PAPPA2: variants seen among roughly 807,000 people sequenced by gnomAD.
PAPPA2 encodes the protein pappalysin-2.
In PAPPA2, 86 loss-of-function variants were observed where a neutral mutation model predicts 176.4. The observed-to-expected ratio is 0.49, with a 90% CI of 0.41 to 0.58. The LOEUF is 0.58. PAPPA2 is among the 20% of genes least tolerant of loss of function. The pLI, the probability that PAPPA2 is intolerant of heterozygous loss-of-function variation, is 0.00. For missense variants in PAPPA2, 2,073 were observed against 2,256.9 expected (o/e 0.92, Z 1.65); for synonymous variants, 809 against 852.2 (o/e 0.95, Z 0.88).
At chr1:176,840,846 A>G (rs948800459) in intron 22 of PAPPA2, among the ~76,000 whole-genome samples, 1 of 152,222 alleles carries the variant, frequency 6.6e-6, no homozygotes, top group African/African-American at 2.4e-5. Context: ...AAACTTTGCA[A>G]TAATATGGGT....
At chr1:176,570,470 T>C (rs913435080) in intron 2 of PAPPA2, among the ~76,000 whole-genome samples, 1 of 152,232 alleles carries the variant, frequency 6.6e-6, no homozygotes, top group African/African-American at 2.4e-5. Flanking sequence ...AGAATAATAG[T>C]AAACACTAAC....
At chr1:176,762,344 T>C (rs147617538) in intron 14 of PAPPA2, among the ~76,000 whole-genome samples, 52 of 152,104 alleles carry the variant, frequency 3.4e-4, no homozygotes, top group African/African-American at 1.2e-3. Context: ...CTTCTCCTGC[T>C]GGATGGACTT....
intron 1 of PAPPA2, among the ~76,000 whole-genome samples, chr1:176,544,495 A>G (rs1036890097): frequency 6.6e-6 from 1 of 152,156 alleles, no homozygotes; most frequent in African/African-American, 2.4e-5. Flanking sequence ...CATTCCTCAA[A>G]TACTTTCGAG....
At chr1:176,779,476 TCACACACACACACACACA>T (rs376976102) in intron 17 of PAPPA2, among the ~76,000 whole-genome samples, 64 of 126,968 alleles carry the variant, frequency 5.0e-4, no homozygotes, top group African/African-American at 1.6e-3. Context: ...TCCATACTCA[TCACACACACACACACACA>T]CACACACACA....
intron 1 of PAPPA2, among the ~76,000 whole-genome samples, chr1:176,534,673 G>A (rs1439138200): frequency 6.6e-6 from 1 of 152,348 alleles, no homozygotes; most frequent in East Asian, 1.9e-4. Flanking sequence ...AGAGGTGTGT[G>A]CTTGAGAGAA....
At chr1:176,771,251 ATC>A (rs1187244470) in intron 17 of PAPPA2, 71 bp downstream of exon 17, 1 of 1,486,658 alleles carries the variant, frequency 6.7e-7, no homozygotes, top group Non-Finnish European at 9.3e-7. Flanking sequence ...TTTCTGTATA[ATC>A]TCTCTTTACC....
At chr1:176,606,655 G>A (rs1654630320) in intron 3 of PAPPA2, among the ~76,000 whole-genome samples, 1 of 151,898 alleles carries the variant, frequency 6.6e-6, no homozygotes, top group Admixed American at 6.6e-5. Context: ...AGTAGAGATG[G>A]GGTTTCACCA....
chr1:176,778,242 T>C (rs925034662), intron 17 of PAPPA2, among the ~76,000 whole-genome samples: 1 of 152,156 alleles, frequency 6.6e-6, no homozygotes, highest in African/African-American at 2.4e-5. Context: ...GTCTGCTTTA[T>C]ATCATCCTGC....
chr1:176,583,909 G>T (rs564566491), intron 2 of PAPPA2, among the ~76,000 whole-genome samples: 19 of 152,244 alleles, frequency 1.2e-4, no homozygotes, highest in African/African-American at 4.6e-4. Flanking sequence ...TAAAAAATTA[G>T]GTAGATGTGG....
At chr1:176,488,403 G>A (rs923954485) in intron 1 of PAPPA2, among the ~76,000 whole-genome samples, 1 of 152,142 alleles carries the variant, frequency 6.6e-6, no homozygotes, top group South Asian at 2.1e-4. Flanking sequence ...GATAAAAAAT[G>A]GTTATAGTAT....
At chr1:176,776,079 C>T (rs959711384) in intron 17 of PAPPA2, among the ~76,000 whole-genome samples, 3 of 152,154 alleles carry the variant, frequency 2.0e-5, no homozygotes, top group Admixed American at 2.0e-4. Flanking sequence ...TCCACATACA[C>T]ATCATCATTA....
At chr1:176,546,405 G>C (rs1650639446) in intron 1 of PAPPA2, among the ~76,000 whole-genome samples, 1 of 152,006 alleles carries the variant, frequency 6.6e-6, no homozygotes, top group Non-Finnish European at 1.5e-5. Context: ...AATCAGTCCT[G>C]GATAAGAGAG....
At chr1:176,579,593 C>T (rs1385448965) in intron 2 of PAPPA2, among the ~76,000 whole-genome samples, 1 of 152,152 alleles carries the variant, frequency 6.6e-6, no homozygotes, top group African/African-American at 2.4e-5. Flanking sequence ...TAGTGGTCTG[C>T]AAATTTGTTA....
chr1:176,573,348 T>A (rs1007202501), intron 2 of PAPPA2, among the ~76,000 whole-genome samples: 1 of 152,196 alleles, frequency 6.6e-6, no homozygotes, highest in African/African-American at 2.4e-5. Context: ...TCTCCACTTC[T>A]GTTGAGGAAC....
At chr1:176,582,347 G>T (rs755502203) in intron 2 of PAPPA2, among the ~76,000 whole-genome samples, 9 of 152,140 alleles carry the variant, frequency 5.9e-5, no homozygotes, top group Non-Finnish European at 1.3e-4. Context: ...GACTTCCAGT[G>T]CTATGTCAAA....
At chr1:176,734,943 C>G (rs1662329810) in intron 12 of PAPPA2, among the ~76,000 whole-genome samples, 2 of 152,030 alleles carry the variant, frequency 1.3e-5, no homozygotes, top group African/African-American at 4.8e-5. Context: ...GGAGTAAAAG[C>G]ACAAACATCA....
intron 3 of PAPPA2, among the ~76,000 whole-genome samples, chr1:176,627,009 G>A (rs572463475): frequency 2.7e-5 from 4 of 150,564 alleles, no homozygotes; most frequent in South Asian, 2.1e-4. Context: ...AGGCCAAGTC[G>A]ACATGCCCGG....
rs10218755 is a variant in PAPPA2 at position 176,541,530 on chromosome 1, G to A, written c.-916-13877G>A. On this transcript the variant is annotated intron_variant, in intron 1 of 22. Coordinates refer to ENST00000367662, the MANE Select transcript of PAPPA2 (RefSeq NM_020318.3). ...CCCTAGCATCCTTGGGCAGGCACCA[G>A]GGATCATAGATATTCCTCTAGTGCA... Among the ~76,000 whole-genome samples, 850 of 152,278 alleles carry A rather than the reference G, an allele frequency of 5.6e-3. 12 individuals are homozygous for A. Among genetic ancestry groups the A allele is most frequent in the African/African-American group, 0.02 (822 of 41,554 alleles).
intron 11 of PAPPA2, among the ~76,000 whole-genome samples, chr1:176,710,540 G>A (rs923956900): frequency 3.3e-5 from 5 of 152,050 alleles, no homozygotes; most frequent in Admixed American, 2.0e-4. Flanking sequence ...GTAAATTCTT[G>A]CGTACATATT....
Sources: allele counts gnomAD v4.1 joint callset (sites outside exome capture counted in the v4.1 genomes callset), GRCh38; gene constraint gnomAD v4.1.1; transcripts MANE v1.5; gene names NCBI Gene and HGNC (gene_info 2026-07-23, HGNC 2026-07-21).